GALNTL6: variants seen among roughly 807,000 people sequenced by gnomAD.
The protein encoded by GALNTL6 is polypeptide N-acetylgalactosaminyltransferase-like 6.
A neutral mutation model predicts 73.7 loss-of-function variants in GALNTL6; 46 were observed. The observed-to-expected ratio is 0.62, with a 90% confidence interval of 0.49 to 0.80. The LOEUF (loss-of-function observed/expected upper bound fraction) is 0.80, where lower values mean the gene tolerates loss of function less well. GALNTL6 is among the 30% of genes least tolerant of loss of function. GALNTL6 has a pLI of 0.00. For missense variants in GALNTL6, 604 were observed against 755.0 expected (o/e 0.80, Z 2.34); for synonymous variants, 259 against 263.7 (o/e 0.98, Z 0.17).
chr4:172,356,417 C>T (rs1742161831), intron 5 of GALNTL6, among the ~76,000 whole-genome samples: 1 of 152,058 alleles, frequency 6.6e-6, no homozygotes, highest in South Asian at 2.1e-4. Flanking sequence ...GTCTAAATAT[C>T]CATCTGCTCT....
At chr4:171,862,893 A>G (rs1340343838) in intron 2 of GALNTL6, among the ~76,000 whole-genome samples, 1 of 152,194 alleles carries the variant, frequency 6.6e-6, no homozygotes, top group Non-Finnish European at 1.5e-5. Flanking sequence ...ATTTTGAATT[A>G]GAATGTATTG....
chr4:172,034,151 A>G (rs919337092), intron 2 of GALNTL6, among the ~76,000 whole-genome samples: 3 of 152,062 alleles, frequency 2.0e-5, no homozygotes, highest in African/African-American at 7.2e-5. Flanking sequence ...TTTATTCTAT[A>G]TGTAATGTAA....
At chr4:172,629,705 G>A (rs1318553404) in intron 5 of GALNTL6, among the ~76,000 whole-genome samples, 1 of 152,118 alleles carries the variant, frequency 6.6e-6, no homozygotes, top group African/African-American at 2.4e-5. Context: ...GATTGTTTAT[G>A]ATCCCCATAG....
intron 2 of GALNTL6, among the ~76,000 whole-genome samples, chr4:172,048,978 A>T (rs1363431413): frequency 6.6e-6 from 1 of 152,102 alleles, no homozygotes; most frequent in East Asian, 1.9e-4. Flanking sequence ...AGCTTGATAG[A>T]GTTGTTTCCA....
intron 2 of GALNTL6, among the ~76,000 whole-genome samples, chr4:171,866,283 T>C (rs1360243341): frequency 2.0e-5 from 3 of 152,186 alleles, no homozygotes; most frequent in Non-Finnish European, 4.4e-5. Flanking sequence ...ATTAAATGTT[T>C]ATTTTTCTTT....
At position 173,040,793 on chromosome 4, in the gene GALNTL6, A is replaced by G. The variant is rs1753867438; in HGVS notation, c.*693A>G. 1 of 152,486 alleles carries G rather than the reference A, an allele frequency of 6.6e-6. No individual in the cohort carries two copies. The highest frequency in any genetic ancestry group is 1.5e-5 in the Non-Finnish European group (1 of 68,028). The allele number at this position is 152,486 out of a possible 1,614,324, so 9.4% of individuals were successfully genotyped here. A position where few individuals can be genotyped will look rare whatever the true frequency, so the allele number is the denominator to read the frequency against. ...TTTTATGAAAGTTCATGCTCCATGA[A>G]TCCACTGAATTTCTAATTCAGTGCC... On this transcript the variant is annotated 3_prime_UTR_variant, in exon 13 of 13. Coordinates refer to ENST00000506823, the MANE Select transcript of GALNTL6 (RefSeq NM_001034845.3).
At chr4:172,571,645 C>T (rs931507972) in intron 5 of GALNTL6, among the ~76,000 whole-genome samples, 2 of 152,156 alleles carry the variant, frequency 1.3e-5, no homozygotes, top group African/African-American at 4.8e-5. Context: ...AGAAATTCAA[C>T]ATAATTGGGG....
intron 2 of GALNTL6, among the ~76,000 whole-genome samples, chr4:171,856,287 T>G (rs1250745609): frequency 6.6e-6 from 1 of 151,620 alleles, no homozygotes; most frequent in Non-Finnish European, 1.5e-5. Context: ...ATTTTTTTTT[T>G]TTTTTTAATT....
chr4:171,954,204 A>T (rs1276543515), intron 2 of GALNTL6, among the ~76,000 whole-genome samples: 1 of 152,228 alleles, frequency 6.6e-6, no homozygotes, highest in Non-Finnish European at 1.5e-5. Context: ...AATTCTATTC[A>T]TAACTCATTG....
intron 5 of GALNTL6, among the ~76,000 whole-genome samples, chr4:172,699,317 A>G (rs1252888656): frequency 6.6e-6 from 1 of 151,996 alleles, no homozygotes; most frequent in Non-Finnish European, 1.5e-5. Flanking sequence ...CCAAAATTTT[A>G]TTTTTCATAA....
intron 2 of GALNTL6, among the ~76,000 whole-genome samples, chr4:172,041,258 T>A (rs961415729): frequency 6.6e-6 from 1 of 152,132 alleles, no homozygotes; most frequent in Non-Finnish European, 1.5e-5. Flanking sequence ...ATTCTTTGCA[T>A]GGAGTTTGCT....
intron 3 of GALNTL6, among the ~76,000 whole-genome samples, chr4:172,244,748 A>T (rs1158731472): frequency 6.6e-6 from 1 of 152,056 alleles, no homozygotes; most frequent in Non-Finnish European, 1.5e-5. Context: ...AATCTCAAAA[A>T]TTTTTCACAA....
intron 3 of GALNTL6, among the ~76,000 whole-genome samples, chr4:172,254,443 A>G (rs1467103309): frequency 6.7e-6 from 1 of 150,334 alleles, no homozygotes; most frequent in African/African-American, 2.5e-5. Flanking sequence ...CTTGCTACAG[A>G]AAACCATTTT....
intron 3 of GALNTL6, among the ~76,000 whole-genome samples, chr4:172,279,479 C>A (rs1190978178): frequency 1.3e-5 from 2 of 152,096 alleles, no homozygotes; most frequent in African/African-American, 4.8e-5. Flanking sequence ...CATCACTAAT[C>A]ATCAGGGAAA....
At chr4:172,023,556 T>C (rs977103183) in intron 2 of GALNTL6, among the ~76,000 whole-genome samples, 5 of 151,890 alleles carry the variant, frequency 3.3e-5, no homozygotes, top group Admixed American at 2.0e-4. Flanking sequence ...TTCAACTCTT[T>C]CATGCTTTAC....
chr4:172,008,941 A>T (rs1380110667), intron 2 of GALNTL6, among the ~76,000 whole-genome samples: 2 of 152,128 alleles, frequency 1.3e-5, no homozygotes, highest in Non-Finnish European at 2.9e-5. Context: ...ATGAAGATTG[A>T]TAATATGCTT....
intron 2 of GALNTL6, among the ~76,000 whole-genome samples, chr4:171,874,773 A>G (rs1471922683): frequency 6.6e-6 from 1 of 152,192 alleles, no homozygotes; most frequent in Non-Finnish European, 1.5e-5. Context: ...AAACTTTCTC[A>G]TTCTGTAAGA....
intron 5 of GALNTL6, among the ~76,000 whole-genome samples, chr4:172,714,370 C>T (rs1220599885): frequency 1.3e-5 from 2 of 151,898 alleles, no homozygotes; most frequent in African/African-American, 2.4e-5. Context: ...GGTTCTGTTA[C>T]TTAACTATTG....
intron 5 of GALNTL6, among the ~76,000 whole-genome samples, chr4:172,588,973 T>G (rs1304272617): frequency 6.6e-6 from 1 of 152,198 alleles, no homozygotes; most frequent in East Asian, 1.9e-4. Flanking sequence ...TCTAAGCAAA[T>G]AAAATATTTT....
Sources: gnomAD v4.1 joint callset for allele counts (sites outside exome capture counted in the v4.1 genomes callset) on GRCh38, gnomAD v4.1.1 for gene constraint, MANE v1.5 for transcripts, NCBI Gene and HGNC (gene_info 2026-07-23, HGNC 2026-07-21) for gene names.